The following CTNNA2 variants were observed in gnomAD, a reference collection of about 807,000 sequenced individuals.
CTNNA2 encodes the protein catenin alpha 2, also known as catenin alpha-2.
Under a neutral mutation model 101.0 loss-of-function variants are expected in CTNNA2, and 42 were observed. That is an observed-to-expected ratio of 0.42 (90% CI 0.32 to 0.54). CTNNA2 has a LOEUF of 0.54. Among genes scored for constraint, CTNNA2 ranks in the 20% least tolerant of loss-of-function variants. The pLI is 0.14. For synonymous variants in CTNNA2, 450 were observed against 456.4 expected, an observed-to-expected ratio of 0.99 and a Z score of 0.18; for missense variants, 871 against 1,223.1, an observed-to-expected ratio of 0.71 and a Z score of 4.29.
At chr2:79,850,452 T>C (rs777013760) in intron 3 of CTNNA2, among the ~76,000 whole-genome samples, 15 of 147,576 alleles carry the variant, frequency 1.0e-4, no homozygotes, top group Non-Finnish European at 2.0e-4. Flanking sequence ...CCTTCCTTTC[T>C]TTCTCCCTTG....
At chr2:80,395,120 T>A (rs1339508832) in intron 8 of CTNNA2, among the ~76,000 whole-genome samples, 1 of 152,224 alleles carries the variant, frequency 6.6e-6, no homozygotes, top group Admixed American at 6.5e-5. Flanking sequence ...TGACTCTTTT[T>A]AGCAGAGGAC....
chr2:79,696,647 G>A (rs907014995), intron 2 of CTNNA2, among the ~76,000 whole-genome samples: 6 of 151,932 alleles, frequency 3.9e-5, no homozygotes, highest in Non-Finnish European at 7.4e-5. Context: ...TCCTTCTTCC[G>A]CAGTACTCCC....
At chr2:80,179,687 T>C (rs536809209) in intron 7 of CTNNA2, among the ~76,000 whole-genome samples, 1 of 152,254 alleles carries the variant, frequency 6.6e-6, no homozygotes, top group Non-Finnish European at 1.5e-5. Context: ...ATCACCACCT[T>C]TGCATATTTC....
chr2:80,433,566 T>C (rs756805471), intron 9 of CTNNA2, among the ~76,000 whole-genome samples: 1 of 151,956 alleles, frequency 6.6e-6, no homozygotes, highest in East Asian at 2.0e-4. Context: ...AGTTCATATG[T>C]TGGAGGAAAG....
chr2:80,098,560 G>T, intron 7 of CTNNA2, among the ~76,000 whole-genome samples: 1 of 152,236 alleles, frequency 6.6e-6, no homozygotes. Context: ...TAAGTCTGCA[G>T]AGGTTACTGC....
intron 9 of CTNNA2, among the ~76,000 whole-genome samples, chr2:80,432,708 C>A (rs778879347): frequency 2.4e-4 from 37 of 152,116 alleles, no homozygotes; most frequent in Non-Finnish European, 4.3e-4. Context: ...AGTATCCCAA[C>A]CAAATGATTC....
intron 3 of CTNNA2, among the ~76,000 whole-genome samples, chr2:79,773,665 G>A (rs928606507): frequency 7.9e-5 from 12 of 152,076 alleles, no homozygotes; most frequent in African/African-American, 2.4e-4. Context: ...GGCTCAAGAT[G>A]TTTTTCTTTC....
intron 1 of CTNNA2, among the ~76,000 whole-genome samples, chr2:79,617,013 T>C (rs1358039192): frequency 6.6e-6 from 1 of 152,026 alleles, no homozygotes. Context: ...GCGATTCTCC[T>C]GCCTCAGCCA....
chr2:80,510,651 A>G (rs1404078381), intron 9 of CTNNA2, among the ~76,000 whole-genome samples: 1 of 152,166 alleles, frequency 6.6e-6, no homozygotes, highest in Non-Finnish European at 1.5e-5. Flanking sequence ...CAATTTATTG[A>G]TGATCATTTG....
chr2:79,768,412 G>A (rs1209338144), intron 3 of CTNNA2, among the ~76,000 whole-genome samples: 1 of 151,240 alleles, frequency 6.6e-6, no homozygotes, highest in East Asian at 2.0e-4. Flanking sequence ...GGTGTCAGGT[G>A]ATTTTTGGTT....
intron 4 of CTNNA2, among the ~76,000 whole-genome samples, chr2:79,460,342 C>T (rs1352270509): frequency 6.6e-6 from 1 of 152,128 alleles, no homozygotes; most frequent in African/African-American, 2.4e-5. Flanking sequence ...TACGTTCACA[C>T]CCTCTTTCAA....
chr2:79,717,877 C>A (rs1028399367), intron 2 of CTNNA2, among the ~76,000 whole-genome samples: 1 of 152,136 alleles, frequency 6.6e-6, no homozygotes, highest in African/African-American at 2.4e-5. Flanking sequence ...ACCTACCTTT[C>A]ACTCTGTAAT....
intron 1 of CTNNA2, among the ~76,000 whole-genome samples, chr2:79,604,416 T>C (rs75683297): frequency 1.9e-3 from 284 of 151,792 alleles, no homozygotes; most frequent in African/African-American, 6.6e-3. Flanking sequence ...ACTGAGGGAG[T>C]TTTCGGGGAA....
intron 4 of CTNNA2, among the ~76,000 whole-genome samples, chr2:79,463,676 T>A (rs1351925669): frequency 6.6e-6 from 1 of 152,214 alleles, no homozygotes; most frequent in Non-Finnish European, 1.5e-5. Flanking sequence ...ATTTCAGTAA[T>A]ACTTCAAGAA....
At chr2:80,277,322 G>A (rs1263790218) in intron 7 of CTNNA2, among the ~76,000 whole-genome samples, 2 of 152,090 alleles carry the variant, frequency 1.3e-5, no homozygotes, top group Non-Finnish European at 2.9e-5. Context: ...TCATTACATA[G>A]GCAGGATTGA....
In CTNNA2 at chr2:79,763,160, C is replaced by T. The variant is rs79866930; in HGVS notation, c.298+18578C>T. Reference sequence around the variant, plus strand: ...CTTTCCTTGTTAATGAAGTCTATATCGCTAATATTTTTATCTTTTTTAAAT... The same window carrying T: ...CTTTCCTTGTTAATGAAGTCTATATTGCTAATATTTTTATCTTTTTTAAAT... On this transcript the variant is annotated intron_variant, in intron 3 of 18. Transcript: ENST00000402739. Among the ~76,000 whole-genome samples the T allele has an allele frequency of 2.1e-3, 314 of 152,146 alleles. 10 individuals carry two copies. In the East Asian group the frequency reaches 0.049, roughly 24 times the overall value.
intron 3 of CTNNA2, among the ~76,000 whole-genome samples, chr2:79,323,858 C>A (rs1251453351): frequency 6.6e-6 from 1 of 152,094 alleles, no homozygotes; most frequent in Non-Finnish European, 1.5e-5. Flanking sequence ...TACCTATGGC[C>A]ATTGTTATAT....
intron 7 of CTNNA2, among the ~76,000 whole-genome samples, chr2:80,099,415 C>A (rs902745478): frequency 6.6e-6 from 1 of 152,052 alleles, no homozygotes; most frequent in Non-Finnish European, 1.5e-5. Flanking sequence ...GATAAACTGG[C>A]AGATATAGGA....
chr2:80,001,146 T>C (rs1157340255), intron 7 of CTNNA2, among the ~76,000 whole-genome samples: 1 of 152,224 alleles, frequency 6.6e-6, no homozygotes, highest in Non-Finnish European at 1.5e-5. Context: ...GTGTGTAAAA[T>C]ATTTAAACTA....
Sources: allele counts gnomAD v4.1 joint callset (sites outside exome capture counted in the v4.1 genomes callset), GRCh38; gene constraint gnomAD v4.1.1; transcripts MANE v1.5; gene names NCBI Gene and HGNC (gene_info 2026-07-23, HGNC 2026-07-21).